The following GID4 variants were observed in gnomAD, a reference collection of about 807,000 sequenced individuals.
The protein encoded by GID4 is glucose-induced degradation protein 4 homolog.
Under a neutral mutation model 32.4 loss-of-function variants are expected in GID4, and 7 were observed. The observed-to-expected ratio is 0.22, with a 90% CI of 0.12 to 0.41. The LOEUF (loss-of-function observed/expected upper bound fraction) is 0.41. GID4 is among the 10% of genes least tolerant of loss of function. The probability of loss-of-function intolerance (pLI) is 1.00; values close to 1 mark genes in which losing one functional copy is unlikely to be tolerated. For synonymous variants in GID4, 166 were observed against 170.0 expected (o/e 0.98, Z 0.18); for missense variants, 309 against 400.0 (o/e 0.77, Z 1.94).
In GID4 at chr17:18,061,240, G is replaced by T. The variant is rs2045015234; in HGVS notation, c.709-605G>T. Among the ~76,000 whole-genome samples the T allele has an allele frequency of 6.6e-6, 1 of 152,144 alleles. No individual in the cohort carries two copies. Among genetic ancestry groups the T allele is most frequent in the African/African-American group, 2.4e-5 (1 of 41,426 alleles). On this transcript the variant is annotated intron_variant, in intron 4 of 5. Coordinates refer to ENST00000268719, the MANE Select transcript of GID4 (RefSeq NM_024052.5). The surrounding 1 kb of genome is among the most constrained non-coding windows in gnomAD (Gnocchi z 4.4). The stretch of plus-strand genomic sequence containing the variant: ...CTGGGAAAGTAGGTGCCAGGACCTG[G>T]GTTTCCAGCTTTCAGCTCCAGCAGA...
intron 1 of GID4, among the ~76,000 whole-genome samples, chr17:18,044,707 T>C (rs781408155): frequency 6.6e-6 from 1 of 152,094 alleles, no homozygotes; most frequent in Non-Finnish European, 1.5e-5. Flanking sequence ...AGACCAATGA[T>C]TGAGCAATAC....
intron 2 of GID4, among the ~76,000 whole-genome samples, chr17:18,053,009 C>CTTTTTT (rs71155312): frequency 1.6e-4 from 13 of 83,272 alleles, no homozygotes; most frequent in African/African-American, 2.5e-4. Context: ...AAAGTATTTA[C>CTTTTTT]TTTTTTTTTT....
At chr17:18,050,241 C>T (rs951174988) in intron 2 of GID4, among the ~76,000 whole-genome samples, 2 of 152,166 alleles carry the variant, frequency 1.3e-5, no homozygotes, top group Non-Finnish European at 2.9e-5. Flanking sequence ...GGTGTATACC[C>T]AATAATGGGA....
intron 2 of GID4, among the ~76,000 whole-genome samples, chr17:18,050,850 T>C (rs964510167): frequency 6.6e-6 from 1 of 152,188 alleles, no homozygotes; most frequent in Non-Finnish European, 1.5e-5. Flanking sequence ...CTGCCTCTGT[T>C]ATTCATTTCT....
chr17:18,039,638 C>T lies in GID4; in HGVS notation c.174C>T (p.Ala58=), dbSNP rs1228741437. ...CGCGCCCCGGCCTCTCCCTCCCCGC[C>T]ACCCTCCTCGGCTCCCGCGCGGCGG... is the stretch of plus-strand genomic sequence containing the variant. ...ARARPGLSLP[A]TLLGSRAAAA... The change falls in exon 1 of 6, where the codon GCC becomes GCT. Residue 58 remains alanine (A), a synonymous_variant. Transcript: ENST00000268719. The surrounding 1 kb of genome is among the most constrained non-coding windows in gnomAD (Gnocchi z 5.3). 5 of 1,326,764 alleles carry T rather than the reference C, an allele frequency of 3.8e-6. No homozygotes were observed. The highest frequency in any genetic ancestry group is 3.9e-5 in the Admixed American group (1 of 25,838). 82.2% of individuals were successfully genotyped at this position (1,326,764 alleles called of 1,614,324 possible). A position where few individuals can be genotyped will look rare whatever the true frequency, so the allele number is the denominator to read the frequency against.
At chr17:18,052,326 G>A (rs74988085) in intron 2 of GID4, among the ~76,000 whole-genome samples, 33 of 152,244 alleles carry the variant, frequency 2.2e-4, no homozygotes, top group East Asian at 7.7e-4. Flanking sequence ...CACCTGCAGC[G>A]GTGGTGACGT....
At position 18,062,350 on chromosome 17, in the gene GID4, CT is replaced by C. The variant is rs2045024272; in HGVS notation, c.839+380del. ...ACAATGTGAATTTTGCTGTCAGCAG[CT>C]TTTTAAATTTTGTGGCTGCATTCCT... is the stretch of plus-strand genomic sequence containing the variant. On this transcript the variant is annotated intron_variant, in intron 5 of 5. Coordinates refer to ENST00000268719, the MANE Select transcript of GID4 (RefSeq NM_024052.5). Among the ~76,000 whole-genome samples, 3 of 152,190 alleles carry C rather than the reference CT, an allele frequency of 2.0e-5. No individual in the cohort carries two copies. The South Asian group carries it at 6.2e-4, about 31-fold the overall frequency.
At chr17:18,045,062 C>T (rs1032877178) in intron 1 of GID4, 85 bp from the exon 2 acceptor site, 3 of 1,025,976 alleles carry the variant, frequency 2.9e-6, no homozygotes, top group African/African-American at 3.1e-5. Flanking sequence ...ACCAGTCTGG[C>T]CTCACAGGAT....
At chr17:18,044,642 A>C (rs1264621504) in intron 1 of GID4, among the ~76,000 whole-genome samples, 2 of 152,242 alleles carry the variant, frequency 1.3e-5, no homozygotes, top group African/African-American at 4.8e-5. Context: ...CATTTCATAA[A>C]GAGATAATGC....
intron 2 of GID4, among the ~76,000 whole-genome samples, chr17:18,048,468 C>T (rs2044877671): frequency 6.6e-6 from 1 of 152,164 alleles, no homozygotes; most frequent in Non-Finnish European, 1.5e-5. Flanking sequence ...GTTGGGATTA[C>T]AGGCGTGAGC....
intron 3 of GID4, among the ~76,000 whole-genome samples, chr17:18,056,012 G>A (rs948305924): frequency 6.6e-6 from 1 of 152,054 alleles, no homozygotes; most frequent in South Asian, 2.1e-4. Flanking sequence ...GCACCACCGT[G>A]CCTGGCTAAT....
In GID4 at chr17:18,066,470, G is replaced by C. The variant is rs2045064176; in HGVS notation, c.*1227G>C. ...TGCCAAAGTGTGTGTGTGTGTGTGT[G>C]TGTGTGTGTGTGTGTATGATGTTTT... On this transcript the variant is annotated 3_prime_UTR_variant, in exon 6 of 6. Coordinates refer to ENST00000268719, the MANE Select transcript of GID4 (RefSeq NM_024052.5). 6.6e-6 allele frequency: 1 copy of C among 152,322 alleles called. No homozygotes were observed. The highest frequency in any genetic ancestry group is 2.4e-5 in the African/African-American group (1 of 41,332). 9.4% of individuals were successfully genotyped at this position (152,322 alleles called of 1,614,324 possible).
chr17:18,063,620 T>C (rs1174071812), intron 5 of GID4, among the ~76,000 whole-genome samples: 2 of 152,214 alleles, frequency 1.3e-5, no homozygotes, highest in African/African-American at 4.8e-5. Context: ...ATAAATGGAA[T>C]CTACAAAATA....
chr17:18,057,388 T>G (rs200356540), intron 3 of GID4: 2 of 201,174 alleles, frequency 9.9e-6, no homozygotes, highest in African/African-American at 4.6e-5. Flanking sequence ...GCTGAGATCA[T>G]GCCATTGCAC....
chr17:18,061,914 A>G lies in GID4; in HGVS notation c.778A>G (p.Ile260Val). ...SGASFAGFYYICFQKSAASIE... is the reference protein window; with the variant it reads ...SGASFAGFYYVCFQKSAASIE... ...TGCTTCTTTTGCCGGGTTCTACTAC[A>G]TCTGCTTTCAGAAGTCAGCAGCCTC... The change falls in exon 5 of 6, where the codon ATC becomes GTC. Residue 260 changes from isoleucine (I) to valine (V), a missense_variant. Transcript: ENST00000268719. This position sits in a 1 kb window ranked among gnomAD's most constrained non-coding sequence, Gnocchi z 4.4. The G allele has an allele frequency of 1.2e-6, 2 of 1,613,812 alleles. No homozygotes were observed. Among genetic ancestry groups the G allele is most frequent in the Non-Finnish European group, 1.7e-6 (2 of 1,179,768 alleles).
Position 18,039,677 on chromosome 17 carries a change from C to A in GID4, c.213C>A (p.Leu71=). The change falls in exon 1 of 6, where the codon CTC becomes CTA. Residue 71 remains leucine, a synonymous_variant. Transcript: ENST00000268719. The surrounding 1 kb of genome is among the most constrained non-coding windows in gnomAD (Gnocchi z 5.3). ...LGSRAAAAVP[L]PLPPALAPGD... is the part of the protein sequence containing the mutation. ...CCCGCGCGGCGGCGGCGGTTCCTCT[C>A]CCACTCCCCCCAGCCCTGGCTCCGG... is the stretch of plus-strand genomic sequence containing the variant. 1 of 1,405,628 alleles carries A rather than the reference C, an allele frequency of 7.1e-7. No homozygotes were observed. The highest frequency in any genetic ancestry group is 2.8e-5 in the Admixed American group (1 of 35,472). The allele number at this position is 1,405,628 out of a possible 1,614,324, so 87.1% of individuals were successfully genotyped here. A position where few individuals can be genotyped will look rare whatever the true frequency, so the allele number is the denominator to read the frequency against.
chr17:18,063,271 G>T (rs182129831), intron 5 of GID4, among the ~76,000 whole-genome samples: 1 of 151,614 alleles, frequency 6.6e-6, no homozygotes, highest in African/African-American at 2.4e-5. Flanking sequence ...TTAGCCAGGC[G>T]TGCTGGTACG....
chr17:18,063,907 T>A (rs1012127753), intron 5 of GID4, among the ~76,000 whole-genome samples: 2 of 152,156 alleles, frequency 1.3e-5, no homozygotes, highest in African/African-American at 4.8e-5. Context: ...CACGTCTGGC[T>A]AAGTTTTGTA....
In GID4 at chr17:18,061,375, A is replaced by G. The variant is rs1184726734; in HGVS notation, c.709-470A>G. Among the ~76,000 whole-genome samples, 4 of 152,186 alleles carry G rather than the reference A, an allele frequency of 2.6e-5. No individual in the cohort carries two copies. The highest frequency in any genetic ancestry group is 9.7e-5 in the African/African-American group (4 of 41,444). Reference sequence around the variant, plus strand: ...AGGGGGTGTCACAGGGGCTACTGGCAACTGCTTTGCACTCAGAATGGTCCA... The same window carrying G: ...AGGGGGTGTCACAGGGGCTACTGGCGACTGCTTTGCACTCAGAATGGTCCA... On this transcript the variant is annotated intron_variant, in intron 4 of 5. Coordinates refer to ENST00000268719, the MANE Select transcript of GID4 (RefSeq NM_024052.5). The surrounding 1 kb of genome is among the most constrained non-coding windows in gnomAD (Gnocchi z 4.4).
Sources: gnomAD v4.1 joint callset for allele counts (sites outside exome capture counted in the v4.1 genomes callset) on GRCh38, gnomAD v4.1.1 for gene constraint, Gnocchi (gnomAD v3.1) non-coding constraint, MANE v1.5 for transcripts, NCBI Gene and HGNC (gene_info 2026-07-23, HGNC 2026-07-21) for gene names.